RSPH14: variants seen among roughly 807,000 people sequenced by gnomAD.
RSPH14 encodes rhabdoid tumor deletion region gene 1.
RSPH14 carries 20 observed loss-of-function variants against 26.7 expected under a neutral mutation model. The observed-to-expected ratio is 0.75, with a 90% CI of 0.53 to 1.09. The LOEUF (loss-of-function observed/expected upper bound fraction) is 1.09. Among genes scored for constraint, RSPH14 ranks in the 50% least tolerant of loss-of-function variants. RSPH14 has a pLI of 0.00. For missense variants in RSPH14, 449 were observed against 457.2 expected, an observed-to-expected ratio of 0.98 and a Z score of 0.16; for synonymous variants, 177 against 189.3, an observed-to-expected ratio of 0.93 and a Z score of 0.53.
intron 4 of RSPH14, among the ~76,000 whole-genome samples, chr22:23,066,371 G>C (rs1209201530): frequency 6.6e-6 from 1 of 152,132 alleles, no homozygotes; most frequent in African/African-American, 2.4e-5. Context: ...ACCTCTCCTT[G>C]GTGAGGAAAC....
Position 23,059,727 on chromosome 22 carries a change from C to T in RSPH14, c.791-9G>A. ...CAGGGCCGCATACTTCCCTGCAGGC[C>T]ACCAACACAAGGCGTTCCAAACAGC... On this transcript the variant is annotated splice_polypyrimidine_tract_variant and intron_variant, in intron 6 of 6. Coordinates refer to ENST00000216036, the MANE Select transcript of RSPH14 (RefSeq NM_014433.3). 6.6e-7 allele frequency: 1 copy of T among 1,513,306 alleles called. No individual in the cohort carries two copies. 93.7% of individuals were successfully genotyped at this position (1,513,306 alleles called of 1,614,324 possible). A position where few individuals can be genotyped will look rare whatever the true frequency, so the allele number is the denominator to read the frequency against.
intron 4 of RSPH14, among the ~76,000 whole-genome samples, chr22:23,085,591 T>C (rs1458215931): frequency 2.0e-5 from 3 of 152,156 alleles, no homozygotes; most frequent in Admixed American, 6.5e-5. Context: ...TTTGCTGAGA[T>C]AAGAGATGGG....
chr22:23,135,852 G>C (rs1170518851), intron 3 of RSPH14: 4 of 152,160 alleles, frequency 2.6e-5, no homozygotes, highest in African/African-American at 9.7e-5. Context: ...ATCTGAAAGA[G>C]GCCTTCTGAG....
At chr22:23,179,611 C>T in the RSPH14 span, 1 of 152,726 alleles carries the variant, frequency 6.5e-6, no homozygotes, top group African/African-American at 2.4e-5. Flanking sequence ...GGGACAAACA[C>T]ATGGCTCAGC....
At chr22:23,099,994 G>T (rs546472013) in intron 4 of RSPH14, among the ~76,000 whole-genome samples, 29 of 152,394 alleles carry the variant, frequency 1.9e-4, no homozygotes, top group Middle Eastern at 6.8e-3. Context: ...AGGTCTAGTT[G>T]TAAAGCATCA....
chr22:23,145,235 C>A (rs1569200993), upstream of RSPH14: 5 of 891,336 alleles, frequency 5.6e-6, no homozygotes, highest in Non-Finnish European at 6.9e-6. Context: ...GCCCCCGGGC[C>A]TCCATAGCCC....
chr22:23,111,155 G>A (rs557217167), intron 4 of RSPH14, among the ~76,000 whole-genome samples: 8 of 152,302 alleles, frequency 5.3e-5, no homozygotes, highest in South Asian at 4.1e-4. Flanking sequence ...AGCCTCTGCC[G>A]GGGAGTGGCC....
intron 4 of RSPH14, among the ~76,000 whole-genome samples, chr22:23,130,146 A>AGAAC (rs2070312209): frequency 3.2e-5 from 4 of 126,116 alleles, no homozygotes; most frequent in Non-Finnish European, 6.9e-5. Flanking sequence ...AAAGAAAGAA[A>AGAAC]GAAAGAAAGA....
chr22:23,104,081 G>A (rs922830782), intron 4 of RSPH14, among the ~76,000 whole-genome samples: 1 of 151,856 alleles, frequency 6.6e-6, no homozygotes, highest in Non-Finnish European at 1.5e-5. Flanking sequence ...ATCTGATCTG[G>A]ACCTTGCAGA....
chr22:23,079,603 A>G (rs946177444), intron 4 of RSPH14, among the ~76,000 whole-genome samples: 2 of 152,198 alleles, frequency 1.3e-5, no homozygotes, highest in African/African-American at 4.8e-5. Context: ...CAAGTGAGAC[A>G]TACTCTGCCT....
chr22:23,124,793 C>T (rs1168150567), intron 4 of RSPH14: 1 of 155,934 alleles, frequency 6.4e-6, no homozygotes, highest in Non-Finnish European at 1.4e-5. Flanking sequence ...TGGGCAACTG[C>T]GTTGAAAGGA....
intron 4 of RSPH14, among the ~76,000 whole-genome samples, chr22:23,072,341 A>G (rs1030691443): frequency 5.9e-5 from 9 of 152,092 alleles, no homozygotes; most frequent in African/African-American, 2.2e-4. Context: ...TGGATAAAAT[A>G]TGCGCCTTGA....
intron 4 of RSPH14, among the ~76,000 whole-genome samples, chr22:23,129,699 AT>A (rs1166131885): frequency 3.3e-5 from 5 of 152,042 alleles, no homozygotes; most frequent in Non-Finnish European, 7.4e-5. Flanking sequence ...AGGCAGGAGG[AT>A]CGTGAGGTCA....
intron 4 of RSPH14, among the ~76,000 whole-genome samples, chr22:23,115,692 C>T (rs2146378300): frequency 6.6e-6 from 1 of 152,328 alleles, no homozygotes; most frequent in South Asian, 2.1e-4. Context: ...GCTGGCCACC[C>T]CTGCAAATGG....
At chr22:23,115,892 C>A (rs2069817096) in intron 4 of RSPH14, among the ~76,000 whole-genome samples, 1 of 152,238 alleles carries the variant, frequency 6.6e-6, no homozygotes, top group African/African-American at 2.4e-5. Flanking sequence ...GGGTGGTGGT[C>A]ATAATCACCA....
intron 3 of RSPH14, 142 bp downstream of exon 3, chr22:23,138,698 C>A (rs2070526046): frequency 1.5e-6 from 1 of 661,748 alleles, no homozygotes; most frequent in Non-Finnish European, 2.5e-6. Context: ...CACAAAGAGT[C>A]CTGCTCTGGC....
intron 4 of RSPH14, among the ~76,000 whole-genome samples, chr22:23,077,551 C>T (rs1569161161): frequency 6.6e-6 from 1 of 152,252 alleles, no homozygotes; most frequent in East Asian, 1.9e-4. Flanking sequence ...GCCACGGAAA[C>T]AAGGTGCTAA....
At chr22:23,096,490 A>G in intron 4 of RSPH14, 1 of 1,481,986 alleles carries the variant, frequency 6.7e-7, no homozygotes, top group South Asian at 1.3e-5. Context: ...AGGACTCGTG[A>G]GGTCCAGGAC....
chr22:23,116,342 T>C (rs887108984), intron 4 of RSPH14, among the ~76,000 whole-genome samples: 1 of 152,234 alleles, frequency 6.6e-6, no homozygotes, highest in Admixed American at 6.5e-5. Context: ...CCTGTCCGCC[T>C]GAGGGGCCCA....
Sources: gnomAD v4.1 joint callset for allele counts (sites outside exome capture counted in the v4.1 genomes callset) on GRCh38, gnomAD v4.1.1 for gene constraint, MANE v1.5 for transcripts, NCBI Gene and HGNC (gene_info 2026-07-23, HGNC 2026-07-21) for gene names.